Variants in KLHDC2 observed in about 807,000 individuals in gnomAD.
KLHDC2 encodes the protein kelch domain-containing protein 2.
Under a neutral mutation model 62.3 loss-of-function variants are expected in KLHDC2, and 38 were observed. The observed-to-expected ratio is 0.61, with a 90% CI of 0.47 to 0.80. The LOEUF (loss-of-function observed/expected upper bound fraction) is 0.80, where lower values mean the gene tolerates loss of function less well. KLHDC2 is among the 30% of genes least tolerant of loss of function. The pLI, the probability that KLHDC2 is intolerant of heterozygous loss-of-function variation, is 0.00. For missense variants in KLHDC2, 430 were observed against 495.3 expected, an observed-to-expected ratio of 0.87 and a Z score of 1.25; for synonymous variants, 159 against 161.0, an observed-to-expected ratio of 0.99 and a Z score of 0.09.
chr14:49,774,614 C>CTG lies in KLHDC2; in HGVS notation c.295_296dup (p.Asp100Ter). ...CCTCCTTCTATGTCAGGAAGCTGTGCTGTGTGTGTAGACAGGGTGCTGTAC... is the reference window on the plus strand; with the variant it reads ...CCTCCTTCTATGTCAGGAAGCTGTGCTGTGTGTGTGTAGACAGGGTGCTGTAC... On this transcript the variant is annotated frameshift_variant, in exon 3 of 13. Coordinates refer to ENST00000298307, the MANE Select transcript of KLHDC2 (RefSeq NM_014315.3). LOFTEE classifies it high-confidence loss of function. The CTG allele has an allele frequency of 2.5e-6, 4 of 1,613,934 alleles. No individual in the cohort carries two copies. Among genetic ancestry groups the CTG allele is most frequent in the Non-Finnish European group, 3.4e-6 (4 of 1,179,834 alleles).
In KLHDC2 at chr14:49,784,218, T is replaced by C. The variant is rs934648960; in HGVS notation, c.*1265T>C. 6.5e-6 allele frequency: 1 copy of C among 153,086 alleles called. No homozygotes were observed. Among genetic ancestry groups the C allele is most frequent in the African/African-American group, 2.4e-5 (1 of 41,178 alleles). 9.5% of individuals were successfully genotyped at this position (153,086 alleles called of 1,614,324 possible). Reference sequence around the variant, plus strand: ...AAGAATTAAGTCCTTTTGGTGAATATAGCAAGGCAATGTTTAGTTCATTTG... The same window carrying C: ...AAGAATTAAGTCCTTTTGGTGAATACAGCAAGGCAATGTTTAGTTCATTTG... On this transcript the variant is annotated 3_prime_UTR_variant, in exon 13 of 13. Transcript: ENST00000298307.
rs753456232 is a variant in KLHDC2 at position 49,768,492 on chromosome 14, G to A, written c.24G>A (p.Leu8=). The change falls in exon 1 of 13, where the codon CTG becomes CTA. Residue 8 remains leucine (L), a synonymous_variant. Coordinates refer to ENST00000298307, the MANE Select transcript of KLHDC2 (RefSeq NM_014315.3). ...AGATGGCTGATGGCAACGAGGATCT[G>A]CGGGCTGACGACTTGCCTGGGCCAG... The part of the protein sequence containing the change: MADGNED[L]RADDLPGPAF... 5 of 1,610,168 alleles carry A rather than the reference G, an allele frequency of 3.1e-6. No homozygotes were observed. The Admixed American group carries it at 8.4e-5, about 27-fold the overall frequency.
chr14:49,768,424 C>T lies in KLHDC2; in HGVS notation c.-45C>T, dbSNP rs1174982026. 3.2e-6 allele frequency: 5 copies of T among 1,586,034 alleles called. 1 individual carries two copies. In the South Asian group the frequency reaches 3.4e-5, roughly 11 times the overall value. On this transcript the variant is annotated 5_prime_UTR_variant, in exon 1 of 13. Coordinates refer to ENST00000298307, the MANE Select transcript of KLHDC2 (RefSeq NM_014315.3). ...TCCTTTTCCTTTGTTTTTTTGGCCCCTCGCGGGTGTGGGCATTGTTGGTTA... is the reference window on the plus strand; with the variant it reads ...TCCTTTTCCTTTGTTTTTTTGGCCCTTCGCGGGTGTGGGCATTGTTGGTTA...
intron 2 of KLHDC2, among the ~76,000 whole-genome samples, chr14:49,773,786 C>T (rs542289753): frequency 2.0e-5 from 3 of 151,896 alleles, no homozygotes; most frequent in African/African-American, 7.2e-5. Flanking sequence ...CCATGTTAAA[C>T]AGTATGGTCT....
Position 49,768,431 on chromosome 14 carries a change from G to A in KLHDC2, c.-38G>A, listed in dbSNP as rs773138418. On this transcript the variant is annotated 5_prime_UTR_variant, in exon 1 of 13. The change creates a new upstream start codon in the 5' untranslated region. Coordinates refer to ENST00000298307, the MANE Select transcript of KLHDC2 (RefSeq NM_014315.3). Reference sequence around the variant, plus strand: ...CCTTTGTTTTTTTGGCCCCTCGCGGGTGTGGGCATTGTTGGTTAGCAAAAG... The same window carrying A: ...CCTTTGTTTTTTTGGCCCCTCGCGGATGTGGGCATTGTTGGTTAGCAAAAG... The A allele has an allele frequency of 1.8e-5, 29 of 1,597,478 alleles. No homozygotes were observed. The highest frequency in any genetic ancestry group is 2.2e-5 in the Non-Finnish European group (26 of 1,172,740).
intron 1 of KLHDC2, among the ~76,000 whole-genome samples, chr14:49,771,362 T>G (rs1418159731): frequency 6.6e-6 from 1 of 151,678 alleles, no homozygotes; most frequent in Non-Finnish European, 1.5e-5. Flanking sequence ...AAAAAAAAGT[T>G]CCCAGAGATC....
intron 3 of KLHDC2, chr14:49,774,914 T>C: frequency 2.2e-6 from 1 of 460,728 alleles, no homozygotes; most frequent in East Asian, 4.1e-5. Context: ...CTGGGTGGTT[T>C]TTCTTTGTGC....
intron 6 of KLHDC2, among the ~76,000 whole-genome samples, chr14:49,779,115 G>A (rs1317189801): frequency 1.3e-5 from 2 of 152,078 alleles, no homozygotes; most frequent in Non-Finnish European, 2.9e-5. Context: ...CCAAAGATCC[G>A]AAATGCTCCA....
At chr14:49,778,376 A>G in intron 5 of KLHDC2, 35 bp from the exon 6 acceptor site, 2 of 1,385,952 alleles carry the variant, frequency 1.4e-6, no homozygotes, top group Non-Finnish European at 2.0e-6. Context: ...TATAAATATC[A>G]TTTCTAAAAT....
rs535535135 is a variant in KLHDC2, at chr14:49,783,669, A to G, written c.*716A>G. On this transcript the variant is annotated 3_prime_UTR_variant, in exon 13 of 13. Transcript: ENST00000298307. ...AAGCCTAAAATGCGCTTCTGGTATTATAGGTTAAGATACTCTAACGTGCTA... is the reference window on the plus strand; with the variant it reads ...AAGCCTAAAATGCGCTTCTGGTATTGTAGGTTAAGATACTCTAACGTGCTA... The G allele has an allele frequency of 5.3e-5, 8 of 152,028 alleles. No individual in the cohort carries two copies. The highest frequency in any genetic ancestry group is 2.6e-4 in the Admixed American group (4 of 15,286). 9.4% of individuals were successfully genotyped at this position (152,028 alleles called of 1,614,324 possible).
chr14:49,780,416 A>G (rs1279563101), intron 9 of KLHDC2, 94 bp downstream of exon 9: 3 of 873,992 alleles, frequency 3.4e-6, no homozygotes, highest in Admixed American at 1.9e-5. Context: ...GAGACGGCTT[A>G]TAGGGTTGGT....
chr14:49,778,337 C>A (rs978465352), intron 5 of KLHDC2, 74 bp from the exon 6 acceptor site: 2 of 1,335,904 alleles, frequency 1.5e-6, no homozygotes, highest in African/African-American at 2.9e-5. Context: ...GTGCATTTTT[C>A]TTTGGTAATC....
chr14:49,780,283 T>C lies in KLHDC2; in HGVS notation c.844T>C (p.Phe282Leu), dbSNP rs780357463. ...AACACCAGTTTCTTCAGATCATCTT[T>C]TTCTCTTTGGAGGATTTACCACTGA... ...SLTPVSSDHL[F>L]LFGGFTTDKQ... The change falls in exon 9 of 13, where the codon TTT becomes CTT. Residue 282 changes from phenylalanine (F) to leucine (L), a missense_variant. Phe to Leu is a conservative substitution (Grantham distance 22). Transcript: ENST00000298307. 5.6e-6 allele frequency: 9 copies of C among 1,613,552 alleles called. No individual in the cohort carries two copies. The highest frequency in any genetic ancestry group is 1.7e-5 in the Admixed American group (1 of 60,018).
rs1159245295 is a variant in KLHDC2 at position 49,785,619 on chromosome 14, C to T, written c.*2666C>T. 5 of 324,666 alleles carry T rather than the reference C, an allele frequency of 1.5e-5. No homozygotes were observed. Among genetic ancestry groups the T allele is most frequent in the East Asian group, 7.5e-5 (1 of 13,316 alleles). 20.1% of individuals were successfully genotyped at this position (324,666 alleles called of 1,614,324 possible). On this transcript the variant is annotated 3_prime_UTR_variant, in exon 13 of 13. Coordinates refer to ENST00000298307, the MANE Select transcript of KLHDC2 (RefSeq NM_014315.3). ...AAGAAGGCCCAGGAGCAGTGGTTCA[C>T]GCCTATAATCCTAGGACTCTGGAAG...
At chr14:49,769,793 AT>A (rs1889623881) in intron 1 of KLHDC2, among the ~76,000 whole-genome samples, 1 of 139,104 alleles carries the variant, frequency 7.2e-6, no homozygotes. Flanking sequence ...AAAAAAAAAA[AT>A]TAGCCTGGCG....
In KLHDC2 at chr14:49,779,637, G is replaced by C. The variant is rs774855901; in HGVS notation, c.676G>C (p.Val226Leu). Reference sequence around the variant, plus strand: ...TCGTGCTGCCCATGCCTGTGCAACTGTCGGAAATAGAGGCTTCGTGTTTGG... The same window carrying C: ...TCGTGCTGCCCATGCCTGTGCAACTCTCGGAAATAGAGGCTTCGTGTTTGG... ...SPRAAHACAT[V>L]GNRGFVFGGR... The change falls in exon 7 of 13, where the codon GTC (valine) becomes CTC (leucine). Residue 226 changes from valine to leucine, a missense_variant. Physicochemically the swap from Val to Leu is conservative, Grantham distance 32 (BLOSUM62 1). Transcript: ENST00000298307. 2 of 1,614,146 alleles carry C rather than the reference G, an allele frequency of 1.2e-6. No homozygotes were observed. Among genetic ancestry groups the C allele is most frequent in the East Asian group, 2.2e-5 (1 of 44,876 alleles).
In KLHDC2 at chr14:49,785,308, C is replaced by CA; in HGVS notation, c.*2358dup. 6.2e-7 allele frequency: 1 copy of CA among 1,613,490 alleles called. No homozygotes were observed. The highest frequency in any genetic ancestry group is 8.5e-7 in the Non-Finnish European group (1 of 1,179,564). On this transcript the variant is annotated 3_prime_UTR_variant, in exon 13 of 13. Coordinates refer to ENST00000298307, the MANE Select transcript of KLHDC2 (RefSeq NM_014315.3). The stretch of plus-strand genomic sequence containing the variant: ...GGATGTGGCTGGCCTGTCAAAGAAT[C>CA]AAATAGGTTTTCCTAAAAAGGGAAA...
chr14:49,782,106 CA>C, intron 10 of KLHDC2: 1 of 396,568 alleles, frequency 2.5e-6, no homozygotes, highest in Non-Finnish European at 4.5e-6. Context: ...TTATTGCTAA[CA>C]AAGACCTAGA....
At position 49,785,345 on chromosome 14, in the gene KLHDC2, A is replaced by G. The variant is rs1193295456; in HGVS notation, c.*2392A>G. 1 of 1,540,200 alleles carries G rather than the reference A, an allele frequency of 6.5e-7. No homozygotes were observed. ...CCTAAAAAGGGAAAATAACAGTTAC[A>G]AAGGCAATTTATACCGCCCTTTACA... On this transcript the variant is annotated 3_prime_UTR_variant, in exon 13 of 13. Transcript: ENST00000298307.
Sources: allele counts gnomAD v4.1 joint callset (sites outside exome capture counted in the v4.1 genomes callset), GRCh38; gene constraint gnomAD v4.1.1; transcripts MANE v1.5; gene names NCBI Gene and HGNC (gene_info 2026-07-23, HGNC 2026-07-21).